TNS3: variants seen among roughly 807,000 people sequenced by gnomAD.
The protein encoded by TNS3 is tensin-3.
In TNS3, 45 loss-of-function variants were observed where a neutral mutation model predicts 140.9. The observed-to-expected ratio is 0.32, with a 90% confidence interval of 0.25 to 0.41. TNS3 has a LOEUF of 0.41. Among genes scored for constraint, TNS3 ranks in the 10% least tolerant of loss-of-function variants. The pLI, the probability that TNS3 is intolerant of heterozygous loss-of-function variation, is 1.00. For missense variants in TNS3, 1,716 were observed against 1,906.7 expected, an observed-to-expected ratio of 0.90 and a Z score of 1.86; for synonymous variants, 815 against 788.4, an observed-to-expected ratio of 1.03 and a Z score of -0.56.
chr7:47,489,025 C>G (rs566039326), intron 3 of TNS3, among the ~76,000 whole-genome samples: 1 of 152,200 alleles, frequency 6.6e-6, no homozygotes, highest in East Asian at 1.9e-4. Flanking sequence ...AGAGCTCACC[C>G]TAACTTTGCT....
intron 20 of TNS3, among the ~76,000 whole-genome samples, chr7:47,328,333 T>G (rs1447149529): frequency 6.6e-6 from 1 of 152,216 alleles, no homozygotes; most frequent in Non-Finnish European, 1.5e-5. Flanking sequence ...TGCTCACTGC[T>G]GCGGTTTGCT....
At chr7:47,443,812 T>C (rs1799380) in intron 4 of TNS3, among the ~76,000 whole-genome samples, 40,752 of 151,950 alleles carry the variant, frequency 0.27, 6,398 homozygotes, top group Non-Finnish European at 0.34. Flanking sequence ...TCCTAGCTAC[T>C]CGGGAGGCTG....
At chr7:47,530,551 C>G (rs969093565) in intron 1 of TNS3, among the ~76,000 whole-genome samples, 1 of 151,670 alleles carries the variant, frequency 6.6e-6, no homozygotes, top group African/African-American at 2.4e-5. Flanking sequence ...TGGCCAGGCT[C>G]GGTGGCTCAC....
intron 27 of TNS3, among the ~76,000 whole-genome samples, chr7:47,284,307 A>C (rs769481249): frequency 3.6e-4 from 55 of 152,334 alleles, no homozygotes; most frequent in Admixed American, 5.9e-4. Context: ...CTTGAGAAAC[A>C]ACCATGAGGG....
At chr7:47,288,958 G>A (rs1456591087) in intron 27 of TNS3, among the ~76,000 whole-genome samples, 1 of 152,136 alleles carries the variant, frequency 6.6e-6, no homozygotes, top group African/African-American at 2.4e-5. Flanking sequence ...TTTTCATTTT[G>A]GAGCTTCGAG....
Position 47,303,468 on chromosome 7 carries a change from T to C in TNS3, c.2939A>G (p.Lys980Arg), listed in dbSNP as rs750282977. The change falls in exon 22 of 31, where the codon AAG (lysine) becomes AGG (arginine). Residue 980 changes from lysine (K) to arginine (R), a missense_variant. Around this residue, in one of 3 missense-constraint regions of TNS3, gnomAD observed 1,163 missense variants for 1,182.1 expected, o/e 0.98. Transcript: ENST00000311160. The part of the protein sequence containing the change: ...PLSAEFSGTR[K>R]DSPVLSCFPP... Reference sequence around the variant, plus strand: ...GAAGCAGGACAGCACTGGGGAGTCCTTCCTGGTACCGGAGAACTCAGCGCT... The same window carrying C: ...GAAGCAGGACAGCACTGGGGAGTCCCTCCTGGTACCGGAGAACTCAGCGCT... 9 of 1,611,960 alleles carry C rather than the reference T, an allele frequency of 5.6e-6. No individual in the cohort carries two copies. The highest frequency in any genetic ancestry group is 7.6e-6 in the Non-Finnish European group (9 of 1,180,002).
intron 2 of TNS3, among the ~76,000 whole-genome samples, chr7:47,526,585 C>T (rs930441118): frequency 1.3e-5 from 2 of 152,234 alleles, no homozygotes; most frequent in Non-Finnish European, 2.9e-5. Context: ...TCTGTCTGAC[C>T]TCCACCTTTG....
At chr7:47,464,758 A>C (rs960829624) in intron 4 of TNS3, among the ~76,000 whole-genome samples, 1 of 152,206 alleles carries the variant, frequency 6.6e-6, no homozygotes, top group Non-Finnish European at 1.5e-5. Flanking sequence ...CCTTGTCACC[A>C]CATGCAATGC....
At chr7:47,496,242 G>C (rs991064303) in intron 3 of TNS3, among the ~76,000 whole-genome samples, 1 of 152,174 alleles carries the variant, frequency 6.6e-6, no homozygotes, top group Non-Finnish European at 1.5e-5. Context: ...TCACTGAACA[G>C]GATGTGAGCT....
intron 20 of TNS3, among the ~76,000 whole-genome samples, chr7:47,328,900 G>A (rs572089790): frequency 6.6e-6 from 1 of 152,324 alleles, no homozygotes; most frequent in African/African-American, 2.4e-5. Context: ...CCTACTGTAG[G>A]CTGTTGGCAG....
chr7:47,519,467 C>T (rs1318560602), intron 2 of TNS3, among the ~76,000 whole-genome samples: 1 of 152,220 alleles, frequency 6.6e-6, no homozygotes, highest in Non-Finnish European at 1.5e-5. Flanking sequence ...CCCCACCTCA[C>T]TCAGTGTGTG....
chr7:47,400,970 C>G, intron 13 of TNS3, 56 bp from the exon 14 acceptor site: 1 of 1,606,496 alleles, frequency 6.2e-7, no homozygotes, highest in Non-Finnish European at 8.5e-7. Flanking sequence ...CACACGTTCC[C>G]GGCAAGGAAC....
chr7:47,544,641 C>G (rs1799873669), intron 1 of TNS3, among the ~76,000 whole-genome samples: 2 of 151,976 alleles, frequency 1.3e-5, no homozygotes, highest in African/African-American at 4.8e-5. Context: ...TGATAGCTTC[C>G]AGAACTGCCT....
intron 17 of TNS3, among the ~76,000 whole-genome samples, chr7:47,363,159 A>T (rs955341366): frequency 4.3e-5 from 1 of 23,152 alleles, no homozygotes; most frequent in African/African-American, 6.3e-5. Flanking sequence ...CATCATCATC[A>T]GTCATCACCA....
At chr7:47,469,997 A>AT (rs60657374) in intron 4 of TNS3, among the ~76,000 whole-genome samples, 1 of 151,012 alleles carries the variant, frequency 6.6e-6, no homozygotes, top group Non-Finnish European at 1.5e-5. Flanking sequence ...AAAAAAAAAA[A>AT]TTGTGGTACA....
rs111784211 is a variant in TNS3, at chr7:47,382,633, G to A, written c.1025-13012C>T. ...AGGCTGGCCAGTCCACCCTTAGTATGTGCGGGGGATTGGTTCCAAGACACC... is the reference window on the plus strand; with the variant it reads ...AGGCTGGCCAGTCCACCCTTAGTATATGCGGGGGATTGGTTCCAAGACACC... On this transcript the variant is annotated intron_variant, in intron 16 of 30. Coordinates refer to ENST00000311160, the MANE Select transcript of TNS3 (RefSeq NM_022748.12). 4.8e-3 allele frequency among the ~76,000 whole-genome samples: 727 copies of A among 152,198 alleles called. 5 individuals carry two copies. The highest frequency in any genetic ancestry group is 0.017 in the African/African-American group (695 of 41,496).
intron 1 of TNS3, among the ~76,000 whole-genome samples, chr7:47,575,109 G>A (rs1800646250): frequency 6.6e-6 from 1 of 152,196 alleles, no homozygotes; most frequent in Non-Finnish European, 1.5e-5. Context: ...AGCATGACTA[G>A]CTACGATCTG....
Position 47,344,843 on chromosome 7 carries a change from A to G in TNS3, c.2567-5T>C, listed in dbSNP as rs1418044633. On this transcript the variant is annotated splice_polypyrimidine_tract_variant and splice_region_variant and intron_variant, in intron 19 of 30. Coordinates refer to ENST00000311160, the MANE Select transcript of TNS3 (RefSeq NM_022748.12). ...GATGGCGCAGCGCTGTTTTCACTGG[A>G]AAAGAAAGCAGAGCAAGGGGCTGTT... 1 of 1,613,854 alleles carries G rather than the reference A, an allele frequency of 6.2e-7. No homozygotes were observed. The highest frequency in any genetic ancestry group is 8.5e-7 in the Non-Finnish European group (1 of 1,179,860).
At chr7:47,338,709 A>G (rs1041665473) in intron 20 of TNS3, among the ~76,000 whole-genome samples, 16 of 152,162 alleles carry the variant, frequency 1.1e-4, no homozygotes, top group African/African-American at 3.1e-4. Context: ...TCGATGGTGT[A>G]TATGTCCCAC....
Sources: gnomAD v4.1 joint callset for allele counts (sites outside exome capture counted in the v4.1 genomes callset) on GRCh38, gnomAD v4.1.1 for gene constraint, gnomAD v4.1.1 regional missense constraint, MANE v1.5 for transcripts, NCBI Gene and HGNC (gene_info 2026-07-23, HGNC 2026-07-21) for gene names.